Variants in ZNF521 observed in about 807,000 individuals in gnomAD.
The protein encoded by ZNF521 is zinc finger protein 521, also known as LYST-interacting protein 3.
In ZNF521, 14 loss-of-function variants were observed where a neutral mutation model predicts 105.5. The ratio of observed to expected loss-of-function variants is 0.13; its 90% CI spans 0.09 to 0.21. The LOEUF (loss-of-function observed/expected upper bound fraction) is 0.21, where lower values mean the gene tolerates loss of function less well. Ranked by LOEUF, ZNF521 falls within the 10% of genes least tolerant of loss-of-function variation. The pLI is 1.00. For synonymous variants in ZNF521, 635 were observed against 606.0 expected (o/e 1.05, Z -0.70); for missense variants, 1,233 against 1,629.7 (o/e 0.76, Z 4.19).
chr18:25,236,400 G>T (rs554614082), intron 3 of ZNF521, among the ~76,000 whole-genome samples: 64 of 152,172 alleles, frequency 4.2e-4, no homozygotes, highest in Non-Finnish European at 7.8e-4. Flanking sequence ...GCCGGGCGTG[G>T]TGGCATGCGT....
At chr18:25,138,200 T>C (rs778937091) in intron 5 of ZNF521, among the ~76,000 whole-genome samples, 1 of 152,112 alleles carries the variant, frequency 6.6e-6, no homozygotes. Context: ...CTGCTATGCT[T>C]TGAATACAAC....
At chr18:25,104,685 T>C (rs2034035726) in intron 5 of ZNF521, among the ~76,000 whole-genome samples, 1 of 152,172 alleles carries the variant, frequency 6.6e-6, no homozygotes, top group Admixed American at 6.6e-5. Flanking sequence ...TATATAATTT[T>C]GTGGAACTGT....
intron 5 of ZNF521, among the ~76,000 whole-genome samples, chr18:25,193,972 A>G (rs2035861311): frequency 7.1e-6 from 1 of 140,300 alleles, no homozygotes; most frequent in Admixed American, 7.0e-5. Flanking sequence ...AAAATTATCA[A>G]TCAATTTTCC....
At chr18:25,246,866 G>T (rs542235975) in intron 3 of ZNF521, among the ~76,000 whole-genome samples, 4 of 152,168 alleles carry the variant, frequency 2.6e-5, no homozygotes, top group Non-Finnish European at 5.9e-5. Flanking sequence ...CCTTGTATTT[G>T]CCAACCCACA....
At chr18:25,220,146 C>T (rs867810544) in intron 4 of ZNF521, among the ~76,000 whole-genome samples, 5 of 152,248 alleles carry the variant, frequency 3.3e-5, no homozygotes, top group East Asian at 1.9e-4. Flanking sequence ...GGCCACAGGG[C>T]GTTCACAGAG....
Position 25,062,463 on chromosome 18 carries a change from A to C in ZNF521, c.*249T>G, listed in dbSNP as rs1284762845. 8.7e-6 allele frequency: 4 copies of C among 460,046 alleles called. No homozygotes were observed. The highest frequency in any genetic ancestry group is 1.5e-5 in the Non-Finnish European group (4 of 269,926). The allele number at this position is 460,046 out of a possible 1,614,324, so 28.5% of individuals were successfully genotyped here. A position where few individuals can be genotyped will look rare whatever the true frequency, so the allele number is the denominator to read the frequency against. ...TCTTGCCTGAATAGGGCCCAAGTCC[A>C]CTTGTCTTTATAAGACCATTTTAGT... On this transcript the variant is annotated 3_prime_UTR_variant, in exon 8 of 8. Transcript: ENST00000361524.
intron 3 of ZNF521, among the ~76,000 whole-genome samples, chr18:25,238,366 T>C (rs1907070346): frequency 6.6e-6 from 1 of 152,166 alleles, no homozygotes; most frequent in African/African-American, 2.4e-5. Context: ...CCTATAACTC[T>C]CTGTTAACAA....
At chr18:25,326,582 G>T (rs989553400) in intron 2 of ZNF521, among the ~76,000 whole-genome samples, 2 of 152,176 alleles carry the variant, frequency 1.3e-5, no homozygotes, top group Non-Finnish European at 2.9e-5. Flanking sequence ...TTAATGGTAA[G>T]AGCCAGAGCC....
intron 5 of ZNF521, among the ~76,000 whole-genome samples, chr18:25,116,897 A>ATG (rs2034320442): frequency 3.8e-5 from 2 of 51,998 alleles, no homozygotes; most frequent in African/African-American, 8.2e-5. Flanking sequence ...ACGTATATAT[A>ATG]TATGTGTATA....
At chr18:25,290,436 G>A (rs534348924) in intron 3 of ZNF521, among the ~76,000 whole-genome samples, 6 of 152,086 alleles carry the variant, frequency 3.9e-5, no homozygotes, top group Admixed American at 1.3e-4. Flanking sequence ...TGTGAAATAC[G>A]CATTCTGTGC....
chr18:25,326,336 A>G (rs1372593865), intron 2 of ZNF521, among the ~76,000 whole-genome samples: 3 of 152,206 alleles, frequency 2.0e-5, no homozygotes, highest in African/African-American at 7.2e-5. Context: ...ACCTCCTTCC[A>G]AGCCACTTTT....
rs111949054 is a variant in ZNF521, at chr18:25,096,946, T to C, written c.3659-4865A>G. ...TCAAATGCCCTACAGTTGTAACTTA[T>C]CCAGTTCGAATGTGTGTTACCACTG... On this transcript the variant is annotated intron_variant, in intron 5 of 7. Transcript: ENST00000361524. Among the ~76,000 whole-genome samples, 694 of 152,260 alleles carry C rather than the reference T, an allele frequency of 4.6e-3. 3 individuals are homozygous for C. The highest frequency in any genetic ancestry group is 0.015 in the African/African-American group (614 of 41,548).
intron 3 of ZNF521, among the ~76,000 whole-genome samples, chr18:25,282,210 T>C (rs1431036575): frequency 6.6e-6 from 1 of 152,140 alleles, no homozygotes; most frequent in African/African-American, 2.4e-5. Context: ...TGTACTGGTA[T>C]TTCTTCCAAA....
At chr18:25,342,755 C>T (rs1480889479) in intron 2 of ZNF521, among the ~76,000 whole-genome samples, 2 of 152,096 alleles carry the variant, frequency 1.3e-5, no homozygotes, top group Non-Finnish European at 2.9e-5. Context: ...TAAAAGTAAT[C>T]AATGAAAGAC....
chr18:25,101,421 T>G (rs578164254), intron 5 of ZNF521, among the ~76,000 whole-genome samples: 52 of 152,198 alleles, frequency 3.4e-4, no homozygotes, highest in African/African-American at 1.2e-3. Flanking sequence ...TTTGTAGATG[T>G]TTTTAAGGGC....
intron 5 of ZNF521, among the ~76,000 whole-genome samples, chr18:25,178,364 C>T (rs2035570461): frequency 6.6e-6 from 1 of 152,202 alleles, no homozygotes; most frequent in Non-Finnish European, 1.5e-5. Flanking sequence ...CTGGGTTCCA[C>T]ACATCATTCC....
At chr18:25,315,626 T>C (rs947034592) in intron 3 of ZNF521, 1 of 152,208 alleles carries the variant, frequency 6.6e-6, no homozygotes, top group African/African-American at 2.4e-5. Flanking sequence ...CACATAATCT[T>C]ATAGCTGACT....
intron 4 of ZNF521, among the ~76,000 whole-genome samples, chr18:25,198,379 T>C (rs1467888378): frequency 6.6e-6 from 1 of 151,790 alleles, no homozygotes; most frequent in Non-Finnish European, 1.5e-5. Flanking sequence ...AAAAAATGAT[T>C]AGAGATGCTT....
At position 25,349,528 on chromosome 18, in the gene ZNF521, G is replaced by A. The variant is rs79558566; in HGVS notation, c.40+1379C>T. 8.3e-3 allele frequency among the ~76,000 whole-genome samples: 1,264 copies of A among 152,310 alleles called. 21 individuals are homozygous for A. The highest frequency in any genetic ancestry group is 0.029 in the African/African-American group (1,224 of 41,580). ...CCTCCCCCACCCCGTCCCTTCCCAG[G>A]AGAAGAAAGAAAGGGCTTTGTGTGT... On this transcript the variant is annotated intron_variant, in intron 2 of 7. Transcript: ENST00000361524.
Sources: gnomAD v4.1 joint callset for allele counts (sites outside exome capture counted in the v4.1 genomes callset) on GRCh38, gnomAD v4.1.1 for gene constraint, MANE v1.5 for transcripts, NCBI Gene and HGNC (gene_info 2026-07-23, HGNC 2026-07-21) for gene names.